Variants in SLCO3A1 observed in about 807,000 individuals in gnomAD.
SLCO3A1 encodes PGE1 transporter.
SLCO3A1 carries 27 observed loss-of-function variants against 63.1 expected under a neutral mutation model. The observed-to-expected ratio is 0.43, with a 90% CI of 0.32 to 0.59. SLCO3A1 has a LOEUF of 0.59. Ranked by LOEUF, SLCO3A1 falls within the 20% of genes least tolerant of loss-of-function variation. SLCO3A1 has a pLI of 0.09. For missense variants in SLCO3A1, 773 were observed against 945.8 expected (o/e 0.82, Z 2.40); for synonymous variants, 473 against 409.9 (o/e 1.15, Z -1.86).
intron 1 of SLCO3A1, among the ~76,000 whole-genome samples, chr15:91,907,611 G>A (rs533415291): frequency 7.1e-4 from 107 of 151,086 alleles, no homozygotes; most frequent in African/African-American, 2.5e-3. Flanking sequence ...TGCAGCCTTT[G>A]CCTCCCAGGC....
intron 4 of SLCO3A1, among the ~76,000 whole-genome samples, chr15:92,117,307 T>C (rs998808568): frequency 6.6e-6 from 1 of 152,152 alleles, no homozygotes; most frequent in African/African-American, 2.4e-5. Context: ...ATGCTGGAGG[T>C]ATCAGCCTCA....
intron 2 of SLCO3A1, among the ~76,000 whole-genome samples, chr15:91,923,388 A>G (rs1427168430): frequency 6.6e-6 from 1 of 152,174 alleles, no homozygotes; most frequent in Non-Finnish European, 1.5e-5. Flanking sequence ...GAGAATAGCA[A>G]CCTCTTCAGT....
rs1240761234 is a variant in SLCO3A1, at chr15:91,885,186, C to T, written c.181-30807C>T. Among the ~76,000 whole-genome samples the T allele has an allele frequency of 5.3e-5, 8 of 152,176 alleles. No individual in the cohort carries two copies. The highest frequency in any genetic ancestry group is 2.1e-4 in the South Asian group (1 of 4,826). ...GCAGAAGGAGCAGGGGGCTTGTCTC[C>T]CTCTTTGCTCCCTTTGGCGTCACTC... On this transcript the variant is annotated intron_variant, in intron 1 of 9. Coordinates refer to ENST00000318445, the MANE Select transcript of SLCO3A1 (RefSeq NM_013272.4). This position sits in a 1 kb window ranked among gnomAD's most constrained non-coding sequence, Gnocchi z 4.7.
At position 91,865,546 on chromosome 15, in the gene SLCO3A1, G is replaced by A. The variant is rs1239470189; in HGVS notation, c.180+11458G>A. Among the ~76,000 whole-genome samples the A allele has an allele frequency of 6.6e-6, 1 of 152,218 alleles. No homozygotes were observed. Among genetic ancestry groups the A allele is most frequent in the Non-Finnish European group, 1.5e-5 (1 of 68,040 alleles). On this transcript the variant is annotated intron_variant, in intron 1 of 9. Coordinates refer to ENST00000318445, the MANE Select transcript of SLCO3A1 (RefSeq NM_013272.4). This position sits in a 1 kb window ranked among gnomAD's most constrained non-coding sequence, Gnocchi z 4.6. ...CTGAAATCAGGGCATCAGCAGGGCCGTGCTCCCTCCTAGACCCTGCGTAGA... is the reference window on the plus strand; with the variant it reads ...CTGAAATCAGGGCATCAGCAGGGCCATGCTCCCTCCTAGACCCTGCGTAGA...
rs116455201 is a variant in SLCO3A1 at position 91,882,994 on chromosome 15, C to G, written c.180+28906C>G. Among the ~76,000 whole-genome samples, 244 of 152,270 alleles carry G rather than the reference C, an allele frequency of 1.6e-3. 1 individual carries two copies. Among genetic ancestry groups the G allele is most frequent in the African/African-American group, 5.5e-3 (230 of 41,556 alleles). On this transcript the variant is annotated intron_variant, in intron 1 of 9. Transcript: ENST00000318445. This position sits in a 1 kb window ranked among gnomAD's most constrained non-coding sequence, Gnocchi z 4.4. ...TAATGCCCAGTGAGTAAGGGAATGA[C>G]AGATGGGACAGCAGCCACCATGCAA...
intron 7 of SLCO3A1, among the ~76,000 whole-genome samples, chr15:92,146,542 C>T (rs1289820273): frequency 6.6e-6 from 1 of 152,222 alleles, no homozygotes; most frequent in Non-Finnish European, 1.5e-5. Context: ...GGCACTCCAC[C>T]AGCAACAATA....
chr15:92,145,542 G>A (rs1034647628), intron 7 of SLCO3A1, among the ~76,000 whole-genome samples: 5 of 152,166 alleles, frequency 3.3e-5, no homozygotes, highest in Admixed American at 3.3e-4. Flanking sequence ...CTGCTGTAGG[G>A]TGGAGCGACC....
At chr15:92,034,023 G>A (rs2046690962) in intron 2 of SLCO3A1, among the ~76,000 whole-genome samples, 1 of 146,852 alleles carries the variant, frequency 6.8e-6, no homozygotes, top group Non-Finnish European at 1.6e-5. Context: ...CCATTGGGCT[G>A]ATCTTGGCTT....
At chr15:91,943,170 G>A (rs767261389) in intron 2 of SLCO3A1, among the ~76,000 whole-genome samples, 15 of 152,184 alleles carry the variant, frequency 9.9e-5, no homozygotes, top group Non-Finnish European at 2.1e-4. Flanking sequence ...GACACTCCCA[G>A]TGTTGTGCAA....
chr15:91,952,604 G>A, intron 2 of SLCO3A1, among the ~76,000 whole-genome samples: 1 of 152,222 alleles, frequency 6.6e-6, no homozygotes, highest in East Asian at 1.9e-4. Context: ...AAAGCACCTT[G>A]TATCTGGCTA....
intron 2 of SLCO3A1, among the ~76,000 whole-genome samples, chr15:92,031,617 A>G (rs141772937): frequency 2.6e-5 from 4 of 152,280 alleles, no homozygotes; most frequent in African/African-American, 9.6e-5. Context: ...GGATGCCTTC[A>G]TCACCTTCAC....
chr15:92,133,610 T>G (rs1237542942), intron 7 of SLCO3A1, among the ~76,000 whole-genome samples: 1 of 144,956 alleles, frequency 6.9e-6, no homozygotes, highest in African/African-American at 2.5e-5. Flanking sequence ...GAACTTACTG[T>G]GAACTGCGCA....
rs1555427710 is a variant in SLCO3A1, at chr15:92,047,563, T to TATAA, written c.647-47315_647-47314insAATA. ...TATATAATATATAAATATATAAATA[T>TATAA]ATATATAAATATATATATAATATAT... On this transcript the variant is annotated intron_variant, in intron 2 of 9. Coordinates refer to ENST00000318445, the MANE Select transcript of SLCO3A1 (RefSeq NM_013272.4). Among the ~76,000 whole-genome samples the TATAA allele has an allele frequency of 1.2e-3, 11 of 8,842 alleles. 1 individual carries two copies. The highest frequency in any genetic ancestry group is 4.1e-3 in the African/African-American group (10 of 2,428). The allele number at this position is 8,842 out of a possible 152,430, so 5.8% of individuals were successfully genotyped here. A position where few individuals can be genotyped will look rare whatever the true frequency, so the allele number is the denominator to read the frequency against.
chr15:92,008,042 G>A (rs1253717934), intron 2 of SLCO3A1, among the ~76,000 whole-genome samples: 1 of 152,148 alleles, frequency 6.6e-6, no homozygotes, highest in Non-Finnish European at 1.5e-5. Flanking sequence ...AAAGAAGTCG[G>A]CTCGGTAAAC....
rs184964216 is a variant in SLCO3A1, at chr15:91,875,754, G to T, written c.180+21666G>T. On this transcript the variant is annotated intron_variant, in intron 1 of 9. Transcript: ENST00000318445. The surrounding 1 kb of genome is among the most constrained non-coding windows in gnomAD (Gnocchi z 4.5). The stretch of plus-strand genomic sequence containing the variant: ...AGCAGTGACAGTGATTCTAGAGCAG[G>T]GGTTGGCAAACTATAGCCCATGGGC... Among the ~76,000 whole-genome samples the T allele has an allele frequency of 5.9e-5, 9 of 152,306 alleles. No individual in the cohort carries two copies. Among genetic ancestry groups the T allele is most frequent in the Admixed American group, 5.2e-4 (8 of 15,298 alleles).
At chr15:92,069,118 C>T (rs1160608169) in intron 2 of SLCO3A1, among the ~76,000 whole-genome samples, 2 of 139,768 alleles carry the variant, frequency 1.4e-5, no homozygotes, top group Non-Finnish European at 1.6e-5. Context: ...CCACCCCCCA[C>T]TCCCCCCAGG....
intron 2 of SLCO3A1, among the ~76,000 whole-genome samples, chr15:92,045,607 A>G (rs1201205371): frequency 6.6e-6 from 1 of 151,952 alleles, no homozygotes; most frequent in African/African-American, 2.4e-5. Context: ...TTATTTAGTC[A>G]GTCTTCTACT....
In SLCO3A1 at chr15:91,972,702, T is replaced by C. The variant is rs376498407; in HGVS notation, c.646+56244T>C. 6.6e-5 allele frequency among the ~76,000 whole-genome samples: 10 copies of C among 152,324 alleles called. No homozygotes were observed. The East Asian group carries it at 7.7e-4, about 12-fold the overall frequency. ...AGGGTGCTGCAGTGATGAGCCCTTG[T>C]CCTCCAGGTCAGGACAGAGGCCCAG... On this transcript the variant is annotated intron_variant, in intron 2 of 9. Transcript: ENST00000318445.
chr15:91,983,664 C>T (rs186725434), intron 2 of SLCO3A1, among the ~76,000 whole-genome samples: 1 of 152,046 alleles, frequency 6.6e-6, no homozygotes, highest in Non-Finnish European at 1.5e-5. Context: ...GGGGAGGCCA[C>T]GGGGACTGTA....
Sources: gnomAD v4.1 joint callset for allele counts (sites outside exome capture counted in the v4.1 genomes callset) on GRCh38, gnomAD v4.1.1 for gene constraint, Gnocchi (gnomAD v3.1) non-coding constraint, MANE v1.5 for transcripts, NCBI Gene and HGNC (gene_info 2026-07-23, HGNC 2026-07-21) for gene names.